Variants in DGKI observed in about 807,000 individuals in gnomAD.
The protein encoded by DGKI is DAG kinase iota.
A neutral mutation model predicts 147.5 loss-of-function variants in DGKI; 55 were observed. The ratio of observed to expected loss-of-function variants is 0.37; its 90% CI spans 0.30 to 0.47. The LOEUF (loss-of-function observed/expected upper bound fraction) is 0.47. Among genes scored for constraint, DGKI ranks in the 20% least tolerant of loss-of-function variants. DGKI has a pLI of 1.00. For synonymous variants in DGKI, 469 were observed against 477.1 expected (o/e 0.98, Z 0.22); for missense variants, 1,007 against 1,323.8 (o/e 0.76, Z 3.71).
intron 12 of DGKI, among the ~76,000 whole-genome samples, chr7:137,587,535 A>C (rs1819450917): frequency 6.6e-6 from 1 of 152,246 alleles, no homozygotes; most frequent in South Asian, 2.1e-4. Flanking sequence ...ATAGGAGGGA[A>C]TATAAAACTC....
rs1254348528 is a variant in DGKI, at chr7:137,517,598, T to C, written c.2248+4268A>G. On this transcript the variant is annotated intron_variant, in intron 21 of 32. Coordinates refer to ENST00000614521, the MANE Select transcript of DGKI (RefSeq NM_001321708.2). ...TTCCTTGACAAACGCACCATGGTAATGTAAAGTGTTTAACAATGAGAAAAA... is the reference window on the plus strand; with the variant it reads ...TTCCTTGACAAACGCACCATGGTAACGTAAAGTGTTTAACAATGAGAAAAA... Among the ~76,000 whole-genome samples the C allele has an allele frequency of 2.0e-5, 3 of 152,106 alleles. No homozygotes were observed. In the East Asian group the frequency reaches 5.8e-4, roughly 29 times the overall value.
intron 29 of DGKI, among the ~76,000 whole-genome samples, chr7:137,410,391 C>T (rs561551779): frequency 6.6e-5 from 10 of 152,170 alleles, no homozygotes; most frequent in South Asian, 6.2e-4. Flanking sequence ...GGTGACAGAG[C>T]GAGACTCCAT....
At chr7:137,743,297 G>T (rs1052205633) in intron 1 of DGKI, among the ~76,000 whole-genome samples, 1 of 152,172 alleles carries the variant, frequency 6.6e-6, no homozygotes, top group Non-Finnish European at 1.5e-5. Context: ...ACATCTACAG[G>T]ATACTTCATC....
At chr7:137,404,553 T>G (rs534372169) in intron 30 of DGKI, among the ~76,000 whole-genome samples, 1 of 152,198 alleles carries the variant, frequency 6.6e-6, no homozygotes, top group Non-Finnish European at 1.5e-5. Context: ...AGATGGATTG[T>G]GCTCTCCCAT....
chr7:137,608,494 T>C (rs927420339), intron 10 of DGKI, among the ~76,000 whole-genome samples: 1 of 152,184 alleles, frequency 6.6e-6, no homozygotes, highest in Non-Finnish European at 1.5e-5. Context: ...TGATATTTTC[T>C]ATAATGTTGG....
chr7:137,630,786 A>C (rs1460018897), intron 6 of DGKI, among the ~76,000 whole-genome samples: 2 of 152,178 alleles, frequency 1.3e-5, no homozygotes, highest in South Asian at 4.1e-4. Flanking sequence ...ATCATATATG[A>C]ACCTTTACCT....
chr7:137,445,126 C>T lies in DGKI; in HGVS notation c.2736-1024G>A, dbSNP rs531585259. Among the ~76,000 whole-genome samples, 7 of 152,172 alleles carry T rather than the reference C, an allele frequency of 4.6e-5. No homozygotes were observed. The South Asian group carries it at 1.0e-3, about 23-fold the overall frequency. ...TGAGACATGAAGATAAACCTCAGGA[C>T]AAGAATCATTCAGTCAATACAAAAA... On this transcript the variant is annotated intron_variant, in intron 27 of 32. Transcript: ENST00000614521.
intron 6 of DGKI, among the ~76,000 whole-genome samples, chr7:137,624,412 T>C (rs1585299492): frequency 6.6e-6 from 1 of 152,320 alleles, no homozygotes; most frequent in South Asian, 2.1e-4. Context: ...AAAGATGTGA[T>C]AGGCAGGAAA....
intron 19 of DGKI, 148 bp from the exon 20 acceptor site, chr7:137,552,716 C>T: frequency 1.4e-6 from 1 of 732,350 alleles, no homozygotes; most frequent in South Asian, 1.8e-5. Flanking sequence ...CCAGAGCAGC[C>T]TGGCCAACAT....
intron 20 of DGKI, among the ~76,000 whole-genome samples, chr7:137,526,882 C>T (rs547421776): frequency 6.6e-6 from 1 of 152,146 alleles, no homozygotes; most frequent in Non-Finnish European, 1.5e-5. Context: ...AGACGCCTCT[C>T]ATCCAATCTC....
chr7:137,846,775 C>T lies in DGKI; in HGVS notation c.88G>A (p.Ala30Thr). ...ARAPAAAAAA[A>T]ASPPGPCSGA... ...CTGCAGGGGCCGGGCGGGCTGGCGG[C>T]GGCGGCGGCGGCGGCTGCAGGAGCG... Residue 30 changes from alanine to threonine, a missense_variant, in exon 1 of 33, where the codon GCC becomes ACC. Around this residue, in one of 5 missense-constraint regions of DGKI, gnomAD observed 137 missense variants for 114.4 expected, o/e 1.20. Transcript: ENST00000614521. The surrounding 1 kb of genome is among the most constrained non-coding windows in gnomAD (Gnocchi z 4.0). The T allele has an allele frequency of 1.9e-6, 2 of 1,064,478 alleles. No homozygotes were observed. The highest frequency in any genetic ancestry group is 1.7e-5 in the African/African-American group (1 of 59,054). The allele number at this position is 1,064,478 out of a possible 1,614,324, so 65.9% of individuals were successfully genotyped here. A position where few individuals can be genotyped will look rare whatever the true frequency, so the allele number is the denominator to read the frequency against.
chr7:137,621,343 C>T (rs533655956), intron 7 of DGKI, among the ~76,000 whole-genome samples: 16 of 152,156 alleles, frequency 1.1e-4, no homozygotes, highest in Non-Finnish European at 1.8e-4. Context: ...ATCGCAGAGA[C>T]TGCCTATGTC....
At chr7:137,576,092 G>T (rs1346737257) in intron 17 of DGKI, among the ~76,000 whole-genome samples, 1 of 144,758 alleles carries the variant, frequency 6.9e-6, no homozygotes, top group African/African-American at 2.7e-5. Context: ...AGGCTGGAGT[G>T]CAGTGGTGCG....
At chr7:137,757,064 T>C (rs1330108283) in intron 1 of DGKI, among the ~76,000 whole-genome samples, 1 of 152,170 alleles carries the variant, frequency 6.6e-6, no homozygotes, top group African/African-American at 2.4e-5. Flanking sequence ...TCCAGGATTT[T>C]TTTTTTAATC....
chr7:137,462,107 T>C (rs543159601), intron 27 of DGKI, among the ~76,000 whole-genome samples: 5 of 152,238 alleles, frequency 3.3e-5, no homozygotes, highest in Admixed American at 2.0e-4. Flanking sequence ...ATTATATATA[T>C]ATATACAACT....
chr7:137,422,165 T>G (rs1207904161), intron 28 of DGKI, among the ~76,000 whole-genome samples: 2 of 152,184 alleles, frequency 1.3e-5, no homozygotes, highest in Admixed American at 6.5e-5. Context: ...ACTTCGTGGG[T>G]GAATTAATTT....
chr7:137,456,901 C>T (rs748324128), intron 27 of DGKI, among the ~76,000 whole-genome samples: 7 of 152,130 alleles, frequency 4.6e-5, no homozygotes, highest in Admixed American at 2.6e-4. Flanking sequence ...CCATTTCCTC[C>T]GAGTGGTTTA....
At chr7:137,398,898 G>A (rs1174359022) in intron 30 of DGKI, among the ~76,000 whole-genome samples, 1 of 151,816 alleles carries the variant, frequency 6.6e-6, no homozygotes, top group African/African-American at 2.4e-5. Flanking sequence ...AGATTTCTAG[G>A]TTTCCAATAC....
intron 21 of DGKI, among the ~76,000 whole-genome samples, chr7:137,517,236 A>G (rs566398895): frequency 7.6e-6 from 1 of 132,384 alleles, no homozygotes; most frequent in East Asian, 2.1e-4. Context: ...AAAGAAAGAA[A>G]GAAAGAAAGA....
Sources: gnomAD v4.1 joint callset for allele counts (sites outside exome capture counted in the v4.1 genomes callset) on GRCh38, gnomAD v4.1.1 for gene constraint, gnomAD v4.1.1 regional missense constraint, Gnocchi (gnomAD v3.1) non-coding constraint, MANE v1.5 for transcripts, NCBI Gene and HGNC (gene_info 2026-07-23, HGNC 2026-07-21) for gene names.